OLFM3: variants seen among roughly 807,000 people sequenced by gnomAD.
OLFM3 encodes the protein noelin-3.
In OLFM3, 20 loss-of-function variants were observed where a neutral mutation model predicts 48.6. That is an observed-to-expected ratio of 0.41 (90% CI 0.29 to 0.60). OLFM3 has a LOEUF of 0.60. OLFM3 is among the 20% of genes least tolerant of loss of function. The pLI is 0.28. For synonymous variants in OLFM3, 222 were observed against 198.1 expected, an observed-to-expected ratio of 1.12 and a Z score of -1.01; for missense variants, 437 against 544.3, an observed-to-expected ratio of 0.80 and a Z score of 1.96.
chr1:101,818,740 A>G (rs1488708495), intron 4 of OLFM3, among the ~76,000 whole-genome samples: 1 of 152,160 alleles, frequency 6.6e-6, no homozygotes, highest in African/African-American at 2.4e-5. Flanking sequence ...AACATGAAAA[A>G]AGGCTGTGCT....
At chr1:101,858,995 A>G (rs1656539781) in intron 1 of OLFM3, among the ~76,000 whole-genome samples, 1 of 152,066 alleles carries the variant, frequency 6.6e-6, no homozygotes, top group African/African-American at 2.4e-5. Flanking sequence ...TCCCAAGAAA[A>G]TCAGGAAGGA....
intron 1 of OLFM3, among the ~76,000 whole-genome samples, chr1:101,956,986 G>A (rs1203162308): frequency 6.6e-6 from 1 of 151,336 alleles, no homozygotes; most frequent in Non-Finnish European, 1.5e-5. Context: ...TCTAATAGCA[G>A]AAACAATAAA....
At chr1:101,863,694 AT>A (rs949695678) in intron 1 of OLFM3, among the ~76,000 whole-genome samples, 17 of 152,154 alleles carry the variant, frequency 1.1e-4, no homozygotes, top group Admixed American at 2.0e-4. Context: ...TAAATATATT[AT>A]TTTTTTCATG....
chr1:101,885,405 A>G (rs973160964), intron 1 of OLFM3, among the ~76,000 whole-genome samples: 1 of 152,098 alleles, frequency 6.6e-6, no homozygotes, highest in African/African-American at 2.4e-5. Context: ...TGATGGAAAA[A>G]GGATTGGTAC....
intron 1 of OLFM3, among the ~76,000 whole-genome samples, chr1:101,843,234 C>A (rs1655815645): frequency 6.6e-6 from 1 of 152,186 alleles, no homozygotes; most frequent in African/African-American, 2.4e-5. Context: ...AAACAAATGA[C>A]ATGCCCACAG....
intron 1 of OLFM3, among the ~76,000 whole-genome samples, chr1:101,941,970 C>T (rs968621154): frequency 6.6e-6 from 1 of 152,088 alleles, no homozygotes; most frequent in East Asian, 1.9e-4. Flanking sequence ...CATAATAAAG[C>T]CTTTTCAAGA....
At chr1:101,806,248 A>G in intron 4 of OLFM3, 66 bp from the exon 5 acceptor site, 1 of 1,181,328 alleles carries the variant, frequency 8.5e-7, no homozygotes, top group South Asian at 1.2e-5. Context: ...GCATACTCAC[A>G]CTAAGAGCAA....
chr1:101,841,151 A>T (rs1446319842), intron 1 of OLFM3, among the ~76,000 whole-genome samples: 1 of 152,202 alleles, frequency 6.6e-6, no homozygotes, highest in African/African-American at 2.4e-5. Context: ...TGTAATAGGA[A>T]AGAAGGATCT....
chr1:101,857,871 T>C (rs1440259807), intron 1 of OLFM3, among the ~76,000 whole-genome samples: 2 of 152,104 alleles, frequency 1.3e-5, no homozygotes, highest in African/African-American at 2.4e-5. Flanking sequence ...TAAGCACAGA[T>C]CATTGTAATA....
At chr1:101,858,416 C>G (rs945260282) in intron 1 of OLFM3, among the ~76,000 whole-genome samples, 1 of 151,862 alleles carries the variant, frequency 6.6e-6, no homozygotes, top group African/African-American at 2.4e-5. Context: ...TCAAGATCTC[C>G]CATTCTAGTG....
At chr1:101,911,451 T>C (rs1414740816) in intron 1 of OLFM3, among the ~76,000 whole-genome samples, 2 of 152,098 alleles carry the variant, frequency 1.3e-5, no homozygotes, top group African/African-American at 4.8e-5. Context: ...TTTTAGAAAG[T>C]AAGAAAGGGA....
chr1:101,843,481 A>G (rs1360129987), intron 1 of OLFM3, among the ~76,000 whole-genome samples: 1 of 152,184 alleles, frequency 6.6e-6, no homozygotes, highest in Non-Finnish European at 1.5e-5. Context: ...TCAGAAACCA[A>G]TGCCTCCAAA....
chr1:101,966,536 C>G (rs937471899), intron 1 of OLFM3, among the ~76,000 whole-genome samples: 3 of 152,120 alleles, frequency 2.0e-5, no homozygotes, highest in Admixed American at 6.5e-5. Context: ...CCATTTGTTC[C>G]CTTCCAGCGC....
intron 1 of OLFM3, among the ~76,000 whole-genome samples, chr1:101,969,928 G>A (rs574949278): frequency 6.6e-6 from 1 of 152,286 alleles, no homozygotes; most frequent in East Asian, 1.9e-4. Flanking sequence ...GCAAGTCAGT[G>A]GGGGAGGTCT....
At chr1:101,891,202 G>A (rs1657980227) in intron 1 of OLFM3, among the ~76,000 whole-genome samples, 2 of 151,920 alleles carry the variant, frequency 1.3e-5, no homozygotes, top group African/African-American at 4.8e-5. Flanking sequence ...TTTAGCTAGA[G>A]ATTTTAAATT....
At chr1:101,815,497 T>G (rs780031428) in intron 4 of OLFM3, among the ~76,000 whole-genome samples, 2 of 149,280 alleles carry the variant, frequency 1.3e-5, no homozygotes, top group Non-Finnish European at 3.0e-5. Context: ...AGGTGAAAGA[T>G]GATGGAAGCA....
At chr1:101,901,689 T>A (rs1038643378) in intron 1 of OLFM3, among the ~76,000 whole-genome samples, 5 of 152,038 alleles carry the variant, frequency 3.3e-5, no homozygotes, top group Admixed American at 2.6e-4. Flanking sequence ...ATGAGAAATA[T>A]ATGGTGATTT....
Position 101,950,691 on chromosome 1 carries a change from G to A in OLFM3, c.69+46057C>T, listed in dbSNP as rs534708325. ...GATCTCCTGACCTCGTGATCCACCC[G>A]CCTCGGCCTCCCAAAGTGCTGGGAT... On this transcript the variant is annotated intron_variant, in intron 1 of 5. Transcript: ENST00000370103. 1.5e-3 allele frequency among the ~76,000 whole-genome samples: 235 copies of A among 151,956 alleles called. 3 individuals are homozygous for A. Among genetic ancestry groups the A allele is most frequent in the African/African-American group, 5.4e-3 (225 of 41,464 alleles).
intron 1 of OLFM3, among the ~76,000 whole-genome samples, chr1:101,902,326 C>G (rs1658414067): frequency 6.6e-6 from 1 of 151,940 alleles, no homozygotes; most frequent in South Asian, 2.1e-4. Flanking sequence ...GAAGTAAGTA[C>G]TTCTGAGAAA....
Sources: gnomAD v4.1 joint callset for allele counts (sites outside exome capture counted in the v4.1 genomes callset) on GRCh38, gnomAD v4.1.1 for gene constraint, MANE v1.5 for transcripts, NCBI Gene and HGNC (gene_info 2026-07-23, HGNC 2026-07-21) for gene names.